Variants in NODAL observed in about 807,000 individuals in gnomAD.
NODAL encodes the protein nodal growth differentiation factor, also known as nodal homolog.
Under a neutral mutation model 34.0 loss-of-function variants are expected in NODAL, and 12 were observed. The ratio of observed to expected loss-of-function variants is 0.35; its 90% CI spans 0.23 to 0.57. The LOEUF (loss-of-function observed/expected upper bound fraction) is 0.57, where lower values mean the gene tolerates loss of function less well. Ranked by LOEUF, NODAL falls within the 20% of genes least tolerant of loss-of-function variation. The pLI is 0.83. For synonymous variants in NODAL, 162 were observed against 186.4 expected, an observed-to-expected ratio of 0.87 and a Z score of 1.07; for missense variants, 390 against 444.2, an observed-to-expected ratio of 0.88 and a Z score of 1.10.
upstream of NODAL, among the ~76,000 whole-genome samples, chr10:70,443,885 T>C (rs11596795): frequency 0.89 from 134,212 of 151,420 alleles, 59,830 homozygotes; most frequent in Middle Eastern, 0.95. Context: ...TGTCTGAACT[T>C]GCCTGAAGAT....
intron 1 of NODAL, chr10:70,436,296 A>G (rs1845352790): frequency 1.2e-5 from 5 of 423,228 alleles, no homozygotes; most frequent in African/African-American, 2.0e-5. Context: ...CCCCCTTCCA[A>G]GATAACTTGC....
chr10:70,436,213 G>C (rs1196838431), intron 1 of NODAL: 3 of 573,048 alleles, frequency 5.2e-6, no homozygotes, highest in Non-Finnish European at 9.4e-6. Flanking sequence ...ATTCTTGGAA[G>C]GTGGCAGAGC....
chr10:70,438,326 T>C (rs1217832567), intron 1 of NODAL, among the ~76,000 whole-genome samples: 1 of 152,092 alleles, frequency 6.6e-6, no homozygotes, highest in Admixed American at 6.5e-5. Flanking sequence ...TCAACTCTTT[T>C]AGAAGAAGGC....
At chr10:70,443,128 C>T (rs1416792021), upstream of NODAL, among the ~76,000 whole-genome samples, 1 of 151,968 alleles carries the variant, frequency 6.6e-6, no homozygotes, top group African/African-American at 2.4e-5. Flanking sequence ...ACAAAAGAAC[C>T]ATAGGCTGCG....
At position 70,432,438 on chromosome 10, in the gene NODAL, CTG is replaced by C. The variant is rs1462936767; in HGVS notation, c.*496_*497del. ...AGCTGTGGGGCTCCCCCAACCCAGC[CTG>C]AGGCAATGAGATTGACGGACTCTTT... On this transcript the variant is annotated 3_prime_UTR_variant, in exon 3 of 3. Transcript: ENST00000287139. 1 of 193,958 alleles carries C rather than the reference CTG, an allele frequency of 5.2e-6. No individual in the cohort carries two copies. Among genetic ancestry groups the C allele is most frequent in the Non-Finnish European group, 1.1e-5 (1 of 92,752 alleles). 12.0% of individuals were successfully genotyped at this position (193,958 alleles called of 1,614,324 possible). A position where few individuals can be genotyped will look rare whatever the true frequency, so the allele number is the denominator to read the frequency against.
chr10:70,440,110 G>GA (rs1307932698), intron 1 of NODAL, among the ~76,000 whole-genome samples: 3 of 152,160 alleles, frequency 2.0e-5, no homozygotes, highest in Admixed American at 6.5e-5. Flanking sequence ...GTGTTTAGCT[G>GA]AAAGAGAGCA....
upstream of NODAL, among the ~76,000 whole-genome samples, chr10:70,446,433 C>T (rs1368444747): frequency 6.6e-6 from 1 of 152,134 alleles, no homozygotes. Context: ...CCTGAAGCTT[C>T]TGCTTGCTCA....
chr10:70,438,930 A>T (rs1375529674), intron 1 of NODAL, among the ~76,000 whole-genome samples: 1 of 152,242 alleles, frequency 6.6e-6, no homozygotes, highest in East Asian at 1.9e-4. Flanking sequence ...GAAGGGGTTC[A>T]TGGACACCCA....
At chr10:70,437,126 A>G (rs1241019312) in intron 1 of NODAL, among the ~76,000 whole-genome samples, 1 of 152,196 alleles carries the variant, frequency 6.6e-6, no homozygotes, top group Non-Finnish European at 1.5e-5. Flanking sequence ...TGGGAATAGC[A>G]CAGATTTGTG....
chr10:70,446,253 T>C (rs1422227638), upstream of NODAL, among the ~76,000 whole-genome samples: 1 of 152,172 alleles, frequency 6.6e-6, no homozygotes, highest in African/African-American at 2.4e-5. Flanking sequence ...CAAAGTCCCT[T>C]GAGGTTCTCA....
At chr10:70,437,446 A>AC (rs1181931348) in intron 1 of NODAL, among the ~76,000 whole-genome samples, 34 of 152,038 alleles carry the variant, frequency 2.2e-4, no homozygotes, top group African/African-American at 3.1e-4. Context: ...TGTCTCAACA[A>AC]AAACAACAAC....
rs1217545510 is a variant in NODAL at position 70,433,007 on chromosome 10, A to G, written c.973T>C (p.Tyr325His). 2 of 1,613,794 alleles carry G rather than the reference A, an allele frequency of 1.2e-6. No homozygotes were observed. The highest frequency in any genetic ancestry group is 1.3e-5 in the African/African-American group (1 of 74,816). The stretch of plus-strand genomic sequence containing the variant: ...AGGAGCACTCTGCCATTATCCACAT[A>G]CAGCATGCTCAGCGGCTTGGTCTTC... ...PVKTKPLSML[Y>H]VDNGRVLLDH... Residue 325 changes from tyrosine to histidine, a missense_variant, in exon 3 of 3, where the codon TAT becomes CAT. Tyr to His is a moderately conservative substitution (Grantham distance 83). Transcript: ENST00000287139.
At chr10:70,443,869 G>A (rs1845459161), upstream of NODAL, among the ~76,000 whole-genome samples, 1 of 150,972 alleles carries the variant, frequency 6.6e-6, no homozygotes, top group Non-Finnish European at 1.5e-5. Context: ...TCAGTGAATG[G>A]CACTATGTCT....
chr10:70,444,532 A>G (rs12416440), upstream of NODAL, among the ~76,000 whole-genome samples: 12,958 of 151,788 alleles, frequency 0.085, 738 homozygotes, highest in East Asian at 0.23. Context: ...TAGTAGAGAC[A>G]GGAGTTTCAC....
At chr10:70,443,291 C>G (rs1845452617), upstream of NODAL, among the ~76,000 whole-genome samples, 1 of 152,148 alleles carries the variant, frequency 6.6e-6, no homozygotes, top group Non-Finnish European at 1.5e-5. Flanking sequence ...CCACATGAGC[C>G]CTGGACAGTC....
chr10:70,438,644 A>G (rs934087059), intron 1 of NODAL, among the ~76,000 whole-genome samples: 9 of 152,320 alleles, frequency 5.9e-5, no homozygotes, highest in Non-Finnish European at 2.9e-5. Flanking sequence ...AAGGACCTGG[A>G]CAGGGGTGCA....
Position 70,434,606 on chromosome 10 carries a change from G to A in NODAL, c.891+680C>T, listed in dbSNP as rs1036462878. 4.6e-5 allele frequency among the ~76,000 whole-genome samples: 7 copies of A among 152,172 alleles called. No homozygotes were observed. The East Asian group carries it at 7.7e-4, about 17-fold the overall frequency. On this transcript the variant is annotated intron_variant, in intron 2 of 2. Transcript: ENST00000287139. The stretch of plus-strand genomic sequence containing the variant: ...TCAAACTCCTGACCTCAGGTGATCC[G>A]CCCACCTCAGCCTCCCAAAGTGTTG...
At chr10:70,442,814 T>TG (rs2132221550), upstream of NODAL, among the ~76,000 whole-genome samples, 1 of 152,270 alleles carries the variant, frequency 6.6e-6, no homozygotes, top group South Asian at 2.1e-4. Context: ...CCAGGCACGG[T>TG]GGCTCACACC....
intron 1 of NODAL, among the ~76,000 whole-genome samples, chr10:70,440,255 C>T (rs1845410775): frequency 6.6e-6 from 1 of 152,168 alleles, no homozygotes; most frequent in Non-Finnish European, 1.5e-5. Flanking sequence ...TCGAACTTTC[C>T]AGAAGGGAGT....
Sources: gnomAD v4.1 joint callset for allele counts (sites outside exome capture counted in the v4.1 genomes callset) on GRCh38, gnomAD v4.1.1 for gene constraint, MANE v1.5 for transcripts, NCBI Gene and HGNC (gene_info 2026-07-23, HGNC 2026-07-21) for gene names.